GPR107: variants seen among roughly 807,000 people sequenced by gnomAD.
GPR107 encodes G protein-coupled receptor 107.
A neutral mutation model predicts 75.5 loss-of-function variants in GPR107; 31 were observed. That is an observed-to-expected ratio of 0.41 (90% CI 0.31 to 0.55). The LOEUF is 0.55. Ranked by LOEUF, GPR107 falls within the 20% of genes least tolerant of loss-of-function variation. GPR107 has a pLI of 0.26. For missense variants in GPR107, 572 were observed against 665.7 expected (o/e 0.86, Z 1.55); for synonymous variants, 267 against 251.3 (o/e 1.06, Z -0.59).
At chr9:130,127,427 G>T in intron 15 of GPR107, 56 bp from the exon 16 acceptor site, 1 of 894,738 alleles carries the variant, frequency 1.1e-6, no homozygotes. Context: ...AATTGTTAAA[G>T]TGGTGTCCTA....
intron 3 of GPR107, 84 bp downstream of exon 3, chr9:130,076,546 A>T: frequency 2.3e-6 from 2 of 883,366 alleles, no homozygotes; most frequent in Non-Finnish European, 3.8e-6. Flanking sequence ...TTGCAGTTCC[A>T]TTTTCATTTT....
At chr9:130,107,928 T>C (rs1831199325) in intron 14 of GPR107, among the ~76,000 whole-genome samples, 1 of 152,238 alleles carries the variant, frequency 6.6e-6, no homozygotes, top group Non-Finnish European at 1.5e-5. Flanking sequence ...CCCTGCCTGC[T>C]GATTTAACAC....
chr9:130,086,180 G>C (rs183569140), intron 6 of GPR107, among the ~76,000 whole-genome samples: 6 of 152,136 alleles, frequency 3.9e-5, no homozygotes, highest in Non-Finnish European at 1.5e-5. Context: ...TTCAAGGCAG[G>C]GGGTGGAGGT....
At chr9:130,054,270 C>G (rs754403781) in intron 1 of GPR107, among the ~76,000 whole-genome samples, 197 bp downstream of exon 1, 13 of 152,100 alleles carry the variant, frequency 8.5e-5, no homozygotes, top group Non-Finnish European at 1.5e-4. Flanking sequence ...CTGACCGGCA[C>G]GGGGCGGGAA....
At chr9:130,107,881 AG>A (rs1406914298) in intron 14 of GPR107, among the ~76,000 whole-genome samples, 2 of 152,216 alleles carry the variant, frequency 1.3e-5, no homozygotes, top group Non-Finnish European at 1.5e-5. Context: ...TGAGAACAGG[AG>A]GGATAATGGA....
At chr9:130,126,335 T>A (rs1313798698) in intron 15 of GPR107, among the ~76,000 whole-genome samples, 1 of 150,650 alleles carries the variant, frequency 6.6e-6, no homozygotes, top group Non-Finnish European at 1.5e-5. Flanking sequence ...AAAGAACGTT[T>A]CCAAGTCTTT....
At chr9:130,083,008 C>G (rs1200260599) in intron 5 of GPR107, among the ~76,000 whole-genome samples, 1 of 152,082 alleles carries the variant, frequency 6.6e-6, no homozygotes, top group South Asian at 2.1e-4. Flanking sequence ...GCAGCCTACA[C>G]CTTTTGGGTT....
intron 4 of GPR107, among the ~76,000 whole-genome samples, chr9:130,078,949 T>C (rs116121502): frequency 0.019 from 2,939 of 152,236 alleles, 95 homozygotes; most frequent in African/African-American, 0.067. Context: ...CGTGCTTCCC[T>C]GGATTTCACT....
intron 14 of GPR107, among the ~76,000 whole-genome samples, chr9:130,114,378 T>C (rs1589522674): frequency 6.6e-6 from 1 of 151,954 alleles, no homozygotes; most frequent in Non-Finnish European, 1.5e-5. Flanking sequence ...CGAAAAAATA[T>C]ATACATATAT....
intron 14 of GPR107, among the ~76,000 whole-genome samples, chr9:130,121,903 T>A (rs909483751): frequency 1.5e-4 from 23 of 152,010 alleles, no homozygotes; most frequent in African/African-American, 3.9e-4. Context: ...ATTTTCTTTT[T>A]TTTTTGAGGT....
chr9:130,104,738 G>T (rs527676087), intron 13 of GPR107, among the ~76,000 whole-genome samples, 188 bp downstream of exon 13: 2 of 152,354 alleles, frequency 1.3e-5, no homozygotes, highest in East Asian at 3.9e-4. Context: ...GTTACTCGGG[G>T]TATTCTGGCA....
rs1831965154 is a variant in GPR107, at chr9:130,136,666, A to G, written c.*1545A>G. 6.6e-6 allele frequency: 1 copy of G among 152,206 alleles called. No individual in the cohort carries two copies. Among genetic ancestry groups the G allele is most frequent in the Admixed American group, 6.5e-5 (1 of 15,286 alleles). The allele number at this position is 152,206 out of a possible 1,614,324, so 9.4% of individuals were successfully genotyped here. On this transcript the variant is annotated 3_prime_UTR_variant, in exon 18 of 18. Coordinates refer to ENST00000347136, the MANE Select transcript of GPR107 (RefSeq NM_020960.5). ...ACCTGAAAAAGTCTCCATTCAGAAC[A>G]TGGTTGTTCTCCCTGTCCCATGCTA...
intron 15 of GPR107, among the ~76,000 whole-genome samples, chr9:130,126,225 A>G (rs1831679214): frequency 9.9e-6 from 1 of 101,348 alleles, no homozygotes; most frequent in Non-Finnish European, 2.2e-5. Flanking sequence ...TCTATCAGCT[A>G]GCACCAAAAG....
In GPR107 at chr9:130,057,000, G is replaced by A. The variant is rs117661529; in HGVS notation, c.141+2927G>A. Among the ~76,000 whole-genome samples the A allele has an allele frequency of 4.6e-3, 668 of 145,992 alleles. 3 individuals are homozygous for A. The highest frequency in any genetic ancestry group is 8.4e-3 in the Non-Finnish European group (560 of 66,720). ...GCCGCATTCAAAGCCATCCTGGGCC[G>A]CATGCATCCTGGACAAGCTTGTTCT... is the stretch of plus-strand genomic sequence containing the variant. On this transcript the variant is annotated intron_variant, in intron 1 of 17. Coordinates refer to ENST00000347136, the MANE Select transcript of GPR107 (RefSeq NM_020960.5).
At chr9:130,064,206 T>TTTC (rs1830009068) in intron 1 of GPR107, among the ~76,000 whole-genome samples, 1 of 95,428 alleles carries the variant, frequency 1.0e-5, no homozygotes, top group African/African-American at 3.8e-5. Flanking sequence ...TTTTTTTTTT[T>TTTC]TTGAGACGGA....
At chr9:130,101,947 C>T (rs929806514) in intron 12 of GPR107, among the ~76,000 whole-genome samples, 1 of 152,162 alleles carries the variant, frequency 6.6e-6, no homozygotes, top group African/African-American at 2.4e-5. Context: ...CCAGATCAGC[C>T]GTCCCAACTC....
At chr9:130,110,489 C>T (rs1831269616) in intron 14 of GPR107, 6 of 818,616 alleles carry the variant, frequency 7.3e-6, no homozygotes, top group South Asian at 2.9e-5. Context: ...ACCCATTTCT[C>T]ATCAGCAAAT....
chr9:130,104,590 G>A (rs200034101), intron 13 of GPR107, 40 bp downstream of exon 13: 2 of 1,588,568 alleles, frequency 1.3e-6, no homozygotes, highest in South Asian at 1.1e-5. Context: ...TGACAGCTTG[G>A]CTGTCAAGCC....
intron 10 of GPR107, among the ~76,000 whole-genome samples, chr9:130,100,141 C>T (rs928825707): frequency 2.4e-4 from 36 of 151,932 alleles, no homozygotes; most frequent in African/African-American, 6.0e-4. Context: ...GTGATCCGCC[C>T]GCCTCAGCCT....
Sources: gnomAD v4.1 joint callset for allele counts (sites outside exome capture counted in the v4.1 genomes callset) on GRCh38, gnomAD v4.1.1 for gene constraint, MANE v1.5 for transcripts, NCBI Gene and HGNC (gene_info 2026-07-23, HGNC 2026-07-21) for gene names.